Variants in ZNF143 observed in about 807,000 individuals in gnomAD.
ZNF143 encodes the protein SPH-binding factor.
Under a neutral mutation model 74.1 loss-of-function variants are expected in ZNF143, and 49 were observed. The observed-to-expected ratio is 0.66, with a 90% CI of 0.53 to 0.84. ZNF143 has a LOEUF of 0.84. Ranked by LOEUF, ZNF143 falls within the 40% of genes least tolerant of loss-of-function variation. ZNF143 has a pLI of 0.00. For missense variants in ZNF143, 637 were observed against 793.4 expected (o/e 0.80, Z 2.37); for synonymous variants, 304 against 282.8 (o/e 1.07, Z -0.75).
intron 7 of ZNF143, among the ~76,000 whole-genome samples, chr11:9,483,288 C>A (rs1471126061): frequency 2.0e-5 from 1 of 50,200 alleles, no homozygotes; most frequent in African/African-American, 8.8e-5. Flanking sequence ...GCCAACATGC[C>A]TTTTTTTTTT....
In ZNF143 at chr11:9,527,811, A is replaced by C; in HGVS notation, c.*198A>C. 1 of 541,826 alleles carries C rather than the reference A, an allele frequency of 1.8e-6. No homozygotes were observed. Among genetic ancestry groups the C allele is most frequent in the Non-Finnish European group, 3.3e-6 (1 of 304,008 alleles). The allele number at this position is 541,826 out of a possible 1,614,324, so 33.6% of individuals were successfully genotyped here. On this transcript the variant is annotated 3_prime_UTR_variant, in exon 16 of 16. Transcript: ENST00000396602. ...TTGGAATAGATTCTCAGAGTGATTCATTGTGTACAAGGAAGTATGAAATTA... is the reference window on the plus strand; with the variant it reads ...TTGGAATAGATTCTCAGAGTGATTCCTTGTGTACAAGGAAGTATGAAATTA...
intron 10 of ZNF143, 86 bp downstream of exon 10, chr11:9,497,886 A>G (rs1848020391): frequency 1.9e-6 from 2 of 1,036,568 alleles, no homozygotes; most frequent in Non-Finnish European, 2.6e-6. Flanking sequence ...GCTGGAGTGC[A>G]GTGGTGCAAT....
At chr11:9,461,383 G>A (rs1855826870) in intron 1 of ZNF143, among the ~76,000 whole-genome samples, 1 of 152,208 alleles carries the variant, frequency 6.6e-6, no homozygotes, top group Non-Finnish European at 1.5e-5. Context: ...AGGGGAGGGA[G>A]TGAAAGAGGG....
In ZNF143 at chr11:9,508,728, T is replaced by C; in HGVS notation, c.1257T>C (p.Cys419=). The change falls in exon 12 of 16, where the codon TGT becomes TGC. Residue 419 remains cysteine, a synonymous_variant. Transcript: ENST00000396602. ...VVHTHSKPYN[C]NHCGKTYKQI... is the part of the protein sequence containing the mutation. Reference sequence around the variant, plus strand: ...ACACTCATTCCAAACCTTACAACTGTAACCACTGTGGGAAGACATACAAGC... The same window carrying C: ...ACACTCATTCCAAACCTTACAACTGCAACCACTGTGGGAAGACATACAAGC... 2 of 1,614,056 alleles carry C rather than the reference T, an allele frequency of 1.2e-6. No homozygotes were observed. The highest frequency in any genetic ancestry group is 8.5e-7 in the Non-Finnish European group (1 of 1,179,994).
At chr11:9,495,215 G>A (rs1025652880) in intron 8 of ZNF143, among the ~76,000 whole-genome samples, 29 of 152,218 alleles carry the variant, frequency 1.9e-4, no homozygotes, top group African/African-American at 6.0e-4. Context: ...AGGCCGAGGC[G>A]GGTGGATCAC....
At chr11:9,527,003 A>G (rs1166429250) in intron 15 of ZNF143, among the ~76,000 whole-genome samples, 1 of 151,182 alleles carries the variant, frequency 6.6e-6, no homozygotes, top group Admixed American at 6.6e-5. Context: ...TTTTTTTTGT[A>G]TTTTTTAGTA....
At chr11:9,520,159 C>T (rs1848867566) in intron 14 of ZNF143, among the ~76,000 whole-genome samples, 1 of 149,848 alleles carries the variant, frequency 6.7e-6, no homozygotes, top group African/African-American at 2.5e-5. Flanking sequence ...GCCTCGGCCT[C>T]CTTAGTAGCA....
At chr11:9,508,434 C>T (rs186402372) in intron 11 of ZNF143, among the ~76,000 whole-genome samples, 185 bp from the exon 12 acceptor site, 2 of 152,212 alleles carry the variant, frequency 1.3e-5, no homozygotes, top group Admixed American at 6.5e-5. Flanking sequence ...AAGGATCATA[C>T]TACCTTTTGA....
intron 7 of ZNF143, among the ~76,000 whole-genome samples, chr11:9,491,609 G>A (rs1159759601): frequency 6.6e-6 from 1 of 151,730 alleles, no homozygotes; most frequent in East Asian, 1.9e-4. Flanking sequence ...CCTCACTCCA[G>A]CCTGGGGAAC....
intron 8 of ZNF143, 99 bp downstream of exon 8, chr11:9,494,864 C>A: frequency 2.3e-6 from 3 of 1,286,194 alleles, no homozygotes; most frequent in Non-Finnish European, 3.2e-6. Flanking sequence ...CTGTTTTCTC[C>A]CAGTTATCAA....
Position 9,520,061 on chromosome 11 carries a change from G to T in ZNF143, c.1686+3699G>T, listed in dbSNP as rs556465274. On this transcript the variant is annotated intron_variant, in intron 14 of 15. Coordinates refer to ENST00000396602, the MANE Select transcript of ZNF143 (RefSeq NM_003442.6). ...TTTTTTTTTTTTTTTTTTTGAGACG[G>T]AATCTCCCTCTGTCGCCCAGACTGC... 1.5e-4 allele frequency among the ~76,000 whole-genome samples: 18 copies of T among 120,940 alleles called. 1 individual carries two copies. The South Asian group carries it at 4.5e-3, about 30-fold the overall frequency. 79.3% of individuals were successfully genotyped at this position (120,940 alleles called of 152,430 possible).
intron 7 of ZNF143, among the ~76,000 whole-genome samples, chr11:9,489,092 G>A (rs1847671417): frequency 1.3e-5 from 2 of 152,092 alleles, no homozygotes; most frequent in African/African-American, 4.8e-5. Context: ...ACTGTATACT[G>A]TAGGTCATTG....
chr11:9,476,341 G>A (rs1268764442), intron 5 of ZNF143, among the ~76,000 whole-genome samples: 2 of 151,940 alleles, frequency 1.3e-5, no homozygotes, highest in African/African-American at 4.8e-5. Flanking sequence ...GTTACCTATT[G>A]TTACTACTTT....
chr11:9,481,850 T>C (rs1847250118), intron 7 of ZNF143, among the ~76,000 whole-genome samples: 1 of 142,222 alleles, frequency 7.0e-6, no homozygotes, highest in Admixed American at 7.2e-5. Flanking sequence ...ATTGTGCCAC[T>C]GCACCCCAGC....
Position 9,479,347 on chromosome 11 carries a change from G to A in ZNF143, c.571-125G>A, listed in dbSNP as rs1057308763. 3 of 564,216 alleles carry A rather than the reference G, an allele frequency of 5.3e-6. No homozygotes were observed. In the African/African-American group the frequency reaches 6.0e-5, roughly 11 times the overall value. The allele number at this position is 564,216 out of a possible 1,614,324, so 35.0% of individuals were successfully genotyped here. ...AATATACACAAAAATAAATGATAAT[G>A]AAGCCCCATGTACTTTTTTTTCTTT... On this transcript the variant is annotated intron_variant, in intron 6 of 15. Coordinates refer to ENST00000396602, the MANE Select transcript of ZNF143 (RefSeq NM_003442.6).
intron 5 of ZNF143, among the ~76,000 whole-genome samples, 174 bp downstream of exon 5, chr11:9,474,807 G>A (rs914034135): frequency 6.6e-6 from 1 of 152,234 alleles, no homozygotes; most frequent in Non-Finnish European, 1.5e-5. Flanking sequence ...TACAATTTGA[G>A]CTGTCCAGTG....
In ZNF143 at chr11:9,480,672, G is replaced by T. The variant is rs1365276621; in HGVS notation, c.645+1126G>T. On this transcript the variant is annotated intron_variant, in intron 7 of 15. Transcript: ENST00000396602. ...AGGCTGAGGCGGATGGATGACTTGA[G>T]GTCAGGAGTTTGAGACCAACTTGGC... Among the ~76,000 whole-genome samples the T allele has an allele frequency of 2.0e-5, 3 of 152,150 alleles. No individual in the cohort carries two copies. In the East Asian group the frequency reaches 5.8e-4, roughly 29 times the overall value.
At chr11:9,493,838 T>C (rs1847867491) in intron 7 of ZNF143, among the ~76,000 whole-genome samples, 1 of 152,252 alleles carries the variant, frequency 6.6e-6, no homozygotes, top group Non-Finnish European at 1.5e-5. Flanking sequence ...ATTTTTATGT[T>C]ATTACATCCC....
At chr11:9,500,096 AC>A (rs949912745) in intron 10 of ZNF143, among the ~76,000 whole-genome samples, 2 of 152,052 alleles carry the variant, frequency 1.3e-5, no homozygotes, top group African/African-American at 4.8e-5. Context: ...ACTGTGCACC[AC>A]TACACCCAGC....
Sources: gnomAD v4.1 joint callset for allele counts (sites outside exome capture counted in the v4.1 genomes callset) on GRCh38, gnomAD v4.1.1 for gene constraint, MANE v1.5 for transcripts, NCBI Gene and HGNC (gene_info 2026-07-23, HGNC 2026-07-21) for gene names.